The following DLG2 variants were observed in gnomAD, a reference collection of about 807,000 sequenced individuals.
DLG2 encodes discs large MAGUK scaffold protein 2.
A neutral mutation model predicts 132.5 loss-of-function variants in DLG2; 45 were observed. That is an observed-to-expected ratio of 0.34 (90% CI 0.27 to 0.44). The LOEUF (loss-of-function observed/expected upper bound fraction) is 0.44, where lower values mean the gene tolerates loss of function less well. Among genes scored for constraint, DLG2 ranks in the 20% least tolerant of loss-of-function variants. The probability of loss-of-function intolerance (pLI) is 1.00; values close to 1 mark genes in which losing one functional copy is unlikely to be tolerated. For synonymous variants in DLG2, 424 were observed against 419.6 expected (o/e 1.01, Z -0.13); for missense variants, 1,045 against 1,196.9 (o/e 0.87, Z 1.87).
At chr11:84,012,212 G>A (rs2094925423) in intron 11 of DLG2, among the ~76,000 whole-genome samples, 1 of 152,108 alleles carries the variant, frequency 6.6e-6, no homozygotes, top group African/African-American at 2.4e-5. Context: ...AGTAGTAGCT[G>A]TCATGAAACA....
At chr11:84,692,952 A>G (rs1466135838) in intron 6 of DLG2, among the ~76,000 whole-genome samples, 1 of 151,850 alleles carries the variant, frequency 6.6e-6, no homozygotes, top group Admixed American at 6.6e-5. Context: ...GCGAAGTTAT[A>G]TAACTTGCTG....
At chr11:83,922,152 G>A (rs1591078621) in intron 15 of DLG2, among the ~76,000 whole-genome samples, 1 of 152,082 alleles carries the variant, frequency 6.6e-6, no homozygotes, top group Non-Finnish European at 1.5e-5. Flanking sequence ...CTTCCCGCTA[G>A]TATCAAAAAA....
intron 3 of DLG2, among the ~76,000 whole-genome samples, chr11:85,420,241 T>C (rs1470469674): frequency 1.3e-5 from 2 of 152,192 alleles, no homozygotes; most frequent in Non-Finnish European, 2.9e-5. Context: ...AGACCATGTT[T>C]GCCTAGGTAT....
At chr11:83,719,383 C>T (rs1276998675) in intron 18 of DLG2, among the ~76,000 whole-genome samples, 1 of 152,184 alleles carries the variant, frequency 6.6e-6, no homozygotes, top group Non-Finnish European at 1.5e-5. Context: ...CTTAGTCCAT[C>T]TGTGCTGTTA....
chr11:85,104,893 A>C (rs1322191216), intron 6 of DLG2, among the ~76,000 whole-genome samples: 11 of 150,156 alleles, frequency 7.3e-5, no homozygotes, highest in South Asian at 2.1e-4. Context: ...AAAAAAAAAA[A>C]AAAAAAACAG....
intron 18 of DLG2, chr11:83,682,535 CCTACACCTTGTTAAG>C (rs2079006882): frequency 1.2e-6 from 1 of 809,718 alleles, no homozygotes; most frequent in Non-Finnish European, 1.5e-6. Flanking sequence ...CTCGTGTTCC[CCTACACCTTGTTAAG>C]GTGGATCCAC....
intron 3 of DLG2, among the ~76,000 whole-genome samples, chr11:85,404,569 G>C (rs2088529470): frequency 6.6e-6 from 1 of 151,822 alleles, no homozygotes. Flanking sequence ...CTGTTGCATA[G>C]CTGCTACAAC....
At chr11:83,698,952 A>T (rs1265771728) in intron 18 of DLG2, among the ~76,000 whole-genome samples, 1 of 152,178 alleles carries the variant, frequency 6.6e-6, no homozygotes, top group Non-Finnish European at 1.5e-5. Flanking sequence ...TTCAAGAGAG[A>T]GCTGCATCTT....
chr11:84,350,899 A>T (rs994825335), intron 7 of DLG2, among the ~76,000 whole-genome samples: 30 of 152,236 alleles, frequency 2.0e-4, no homozygotes, highest in South Asian at 8.3e-4. Context: ...ATCAGAAAGC[A>T]ATCTATCAGA....
chr11:84,979,255 C>T (rs2055372942), intron 6 of DLG2, among the ~76,000 whole-genome samples: 1 of 152,158 alleles, frequency 6.6e-6, no homozygotes, highest in African/African-American at 2.4e-5. Context: ...GTGGCAATTC[C>T]TCAGGGATCT....
chr11:84,667,385 A>G (rs2099700750), intron 6 of DLG2, among the ~76,000 whole-genome samples: 1 of 152,074 alleles, frequency 6.6e-6, no homozygotes, highest in African/African-American at 2.4e-5. Context: ...AAGGTAAAAT[A>G]TGAATTCATG....
At chr11:85,413,656 A>C (rs943929340) in intron 3 of DLG2, among the ~76,000 whole-genome samples, 1 of 152,068 alleles carries the variant, frequency 6.6e-6, no homozygotes, top group Non-Finnish European at 1.5e-5. Context: ...TTTGTTGAAA[A>C]AGGTGTCCTT....
intron 6 of DLG2, among the ~76,000 whole-genome samples, chr11:84,977,725 C>T (rs1470409713): frequency 6.6e-6 from 1 of 152,128 alleles, no homozygotes; most frequent in African/African-American, 2.4e-5. Flanking sequence ...TCCTCATTTC[C>T]TATATTTTCC....
At chr11:85,315,202 A>C (rs2080576346) in intron 3 of DLG2, among the ~76,000 whole-genome samples, 2 of 152,106 alleles carry the variant, frequency 1.3e-5, no homozygotes, top group South Asian at 2.1e-4. Context: ...CACTGAGCTC[A>C]CAGCTTCCCC....
At chr11:85,212,840 A>G (rs1323366254) in intron 4 of DLG2, among the ~76,000 whole-genome samples, 3 of 152,150 alleles carry the variant, frequency 2.0e-5, no homozygotes, top group East Asian at 1.9e-4. Flanking sequence ...ATCTGATCAA[A>G]TAAAAGACCT....
At chr11:84,106,823 G>C (rs1178058736) in intron 9 of DLG2, among the ~76,000 whole-genome samples, 2 of 141,504 alleles carry the variant, frequency 1.4e-5, no homozygotes, top group African/African-American at 5.3e-5. Context: ...CTGTGTGTGT[G>C]TGTGTGTGTG....
chr11:85,591,807 C>T (rs2079363044), intron 3 of DLG2, among the ~76,000 whole-genome samples: 1 of 152,186 alleles, frequency 6.6e-6, no homozygotes, highest in Non-Finnish European at 1.5e-5. Flanking sequence ...TCATAGCCAA[C>T]TCTACTTCTT....
At chr11:84,871,897 ACTC>A (rs890001400) in intron 6 of DLG2, among the ~76,000 whole-genome samples, 1 of 151,838 alleles carries the variant, frequency 6.6e-6, no homozygotes, top group Non-Finnish European at 1.5e-5. Context: ...CTGCTCTCAA[ACTC>A]CTGACCTCAG....
chr11:84,158,032 C>G (rs1472759346), intron 9 of DLG2, among the ~76,000 whole-genome samples: 2 of 151,560 alleles, frequency 1.3e-5, no homozygotes, highest in Non-Finnish European at 2.9e-5. Flanking sequence ...TATTTATCAT[C>G]TAGTGTGATA....
Sources: allele counts gnomAD v4.1 joint callset (sites outside exome capture counted in the v4.1 genomes callset), GRCh38; gene constraint gnomAD v4.1.1; transcripts MANE v1.5; gene names NCBI Gene and HGNC (gene_info 2026-07-23, HGNC 2026-07-21).